Variants in RASSF3 observed in about 807,000 individuals in gnomAD.
The protein encoded by RASSF3 is ras association domain-containing protein 3.
RASSF3 carries 19 observed loss-of-function variants against 19.9 expected under a neutral mutation model. The ratio of observed to expected loss-of-function variants is 0.96; its 90% CI spans 0.67 to 1.40. The LOEUF is 1.40. Ranked by LOEUF, RASSF3 falls within the 40% of genes most tolerant of loss-of-function variation. The probability of loss-of-function intolerance (pLI) is 0.00; values close to 1 mark genes in which losing one functional copy is unlikely to be tolerated. For synonymous variants in RASSF3, 110 were observed against 104.2 expected (o/e 1.06, Z -0.34); for missense variants, 306 against 289.8 (o/e 1.06, Z -0.41).
intron 2 of RASSF3, among the ~76,000 whole-genome samples, chr12:64,594,054 T>G (rs1869963065): frequency 7.1e-6 from 1 of 140,290 alleles, no homozygotes; most frequent in Non-Finnish European, 1.5e-5. Context: ...GGGCCATGGC[T>G]GGGCGTGGTA....
At chr12:64,657,110 A>G (rs1872186796) in intron 1 of RASSF3, among the ~76,000 whole-genome samples, 1 of 151,826 alleles carries the variant, frequency 6.6e-6, no homozygotes. Flanking sequence ...ACCAGGTTCA[A>G]GCGATTTTCT....
chr12:64,683,446 G>C (rs962239256), intron 1 of RASSF3, among the ~76,000 whole-genome samples: 2 of 152,164 alleles, frequency 1.3e-5, no homozygotes, highest in African/African-American at 4.8e-5. Context: ...GGATTTAACC[G>C]ATATTTCTCC....
intron 1 of RASSF3, among the ~76,000 whole-genome samples, chr12:64,671,909 A>G (rs1872713699): frequency 6.6e-6 from 1 of 152,234 alleles, no homozygotes; most frequent in East Asian, 1.9e-4. Context: ...CAGACTTATC[A>G]AAGAGCCATC....
chr12:64,570,369 C>A (rs543899180), intron 2 of RASSF3, among the ~76,000 whole-genome samples: 1 of 152,134 alleles, frequency 6.6e-6, no homozygotes, highest in Admixed American at 6.6e-5. Flanking sequence ...TTTCGCTTGG[C>A]CTTCTCTCCT....
In RASSF3 at chr12:64,688,255, A is replaced by C; in HGVS notation, c.259A>C (p.Met87Leu). 4 of 1,614,160 alleles carry C rather than the reference A, an allele frequency of 2.5e-6. No homozygotes were observed. The highest frequency in any genetic ancestry group is 3.4e-6 in the Non-Finnish European group (4 of 1,179,996). Reference sequence around the variant, plus strand: ...TTACACTGGCTTCATTAAAGTACAGATGGAACTCTGCAAACCTCCACAGAC... The same window carrying C: ...TTACACTGGCTTCATTAAAGTACAGCTGGAACTCTGCAAACCTCCACAGAC... Reference protein sequence around the residue: ...GIYTGFIKVQMELCKPPQTSP... With the variant: ...GIYTGFIKVQLELCKPPQTSP... The change falls in exon 3 of 5, where the codon ATG (methionine) becomes CTG (leucine). Residue 87 changes from methionine (M) to leucine (L), a missense_variant. Transcript: ENST00000542104.
At chr12:64,649,276 T>C (rs1871854465) in intron 1 of RASSF3, among the ~76,000 whole-genome samples, 2 of 151,604 alleles carry the variant, frequency 1.3e-5, no homozygotes, top group South Asian at 4.2e-4. Context: ...CACTGCAAGC[T>C]CCGCCTCCCG....
In RASSF3 at chr12:64,696,129, C is replaced by T. The variant is rs1299021950; in HGVS notation, c.*1217C>T. 1.5e-5 allele frequency: 2 copies of T among 137,044 alleles called. No individual in the cohort carries two copies. The highest frequency in any genetic ancestry group is 2.7e-5 in the African/African-American group (1 of 36,532). The allele number at this position is 137,044 out of a possible 1,614,324, so 8.5% of individuals were successfully genotyped here. ...TCCCTCCCTCCCTCCCTCCTTCCCT[C>T]CCTCTCTCTCCCTCTCCCTTTCTTT... On this transcript the variant is annotated 3_prime_UTR_variant, in exon 5 of 5. Coordinates refer to ENST00000542104, the MANE Select transcript of RASSF3 (RefSeq NM_178169.4).
chr12:64,629,751 G>A (rs1475710061), intron 1 of RASSF3: 1 of 151,820 alleles, frequency 6.6e-6, no homozygotes, highest in Non-Finnish European at 1.5e-5. Flanking sequence ...GATCACCTGA[G>A]GTCAGGAGTT....
At chr12:64,619,813 C>T (rs141394075) in intron 1 of RASSF3, among the ~76,000 whole-genome samples, 2,033 of 151,998 alleles carry the variant, frequency 0.013, 44 homozygotes, top group African/African-American at 0.047. Flanking sequence ...AACCCCGTCT[C>T]TACTAAAAAT....
chr12:64,679,969 G>A (rs958951723), intron 1 of RASSF3, among the ~76,000 whole-genome samples: 1 of 152,126 alleles, frequency 6.6e-6, no homozygotes, highest in African/African-American at 2.4e-5. Flanking sequence ...GAAAGACCAG[G>A]GTTGACACTT....
At chr12:64,576,365 G>A (rs1869596179) in intron 2 of RASSF3, among the ~76,000 whole-genome samples, 1 of 152,050 alleles carries the variant, frequency 6.6e-6, no homozygotes. Flanking sequence ...TTATCTTACT[G>A]TATACATAAA....
intron 1 of RASSF3, chr12:64,654,372 T>A (rs1872072151): frequency 6.6e-6 from 1 of 151,634 alleles, no homozygotes; most frequent in Non-Finnish European, 1.5e-5. Context: ...TGCCATGTTG[T>A]CCAGGCTGGT....
rs202001441 is a variant in RASSF3, at chr12:64,613,782, C to CA, written c.111+3047dup. ...ACAACATGGTGAAACCCTGTCTCTACAAAAAAAATGCAAAAATTAGTCAGG... is the reference window on the plus strand; with the variant it reads ...ACAACATGGTGAAACCCTGTCTCTACAAAAAAAAATGCAAAAATTAGTCAGG... On this transcript the variant is annotated intron_variant, in intron 1 of 4. Transcript: ENST00000542104. Among the ~76,000 whole-genome samples the CA allele has an allele frequency of 8.4e-3, 1,277 of 151,540 alleles. 7 individuals carry two copies. Among genetic ancestry groups the CA allele is most frequent in the Middle Eastern group, 0.027 (8 of 292 alleles).
chr12:64,680,071 C>T (rs899812196), intron 1 of RASSF3, among the ~76,000 whole-genome samples: 6 of 152,132 alleles, frequency 3.9e-5, no homozygotes, highest in South Asian at 4.1e-4. Flanking sequence ...TACTATGCCC[C>T]TCCTGGGTTT....
At chr12:64,616,865 G>A (rs1346237167) in intron 1 of RASSF3, among the ~76,000 whole-genome samples, 1 of 152,064 alleles carries the variant, frequency 6.6e-6, no homozygotes, top group Non-Finnish European at 1.5e-5. Flanking sequence ...AGGCCCCATC[G>A]CCATCTCAGA....
At chr12:64,580,234 C>T (rs1251969548) in intron 2 of RASSF3, among the ~76,000 whole-genome samples, 1 of 152,020 alleles carries the variant, frequency 6.6e-6, no homozygotes, top group African/African-American at 2.4e-5. Flanking sequence ...CTTTGGATTA[C>T]AACCCATTAG....
intron 3 of RASSF3, among the ~76,000 whole-genome samples, chr12:64,690,616 T>C (rs1480994756): frequency 6.6e-6 from 1 of 152,038 alleles, no homozygotes; most frequent in Non-Finnish European, 1.5e-5. Context: ...GCTAGGACTA[T>C]AGGCGGGCCC....
intron 1 of RASSF3, among the ~76,000 whole-genome samples, chr12:64,644,436 C>G (rs901379173): frequency 6.6e-6 from 1 of 152,114 alleles, no homozygotes; most frequent in African/African-American, 2.4e-5. Context: ...TGGCTCATGT[C>G]TATAATCCCA....
upstream of RASSF3, among the ~76,000 whole-genome samples, chr12:64,531,143 CCTATGTTTT>C (rs1868699427): frequency 1.3e-5 from 2 of 152,174 alleles, no homozygotes; most frequent in African/African-American, 4.8e-5. Flanking sequence ...ATGATTCCCT[CCTATGTTTT>C]CTTCTAGAAA....
Sources: allele counts gnomAD v4.1 joint callset (sites outside exome capture counted in the v4.1 genomes callset), GRCh38; gene constraint gnomAD v4.1.1; transcripts MANE v1.5; gene names NCBI Gene and HGNC (gene_info 2026-07-23, HGNC 2026-07-21).